Variants in COL21A1 observed in about 807,000 individuals in gnomAD.
The protein encoded by COL21A1 is collagen alpha-1(XXI) chain.
A neutral mutation model predicts 137.9 loss-of-function variants in COL21A1; 149 were observed. The ratio of observed to expected loss-of-function variants is 1.08; its 90% CI spans 0.95 to 1.24. The LOEUF (loss-of-function observed/expected upper bound fraction) is 1.24. Among genes scored for constraint, COL21A1 ranks in the 50% most tolerant of loss-of-function variants. The pLI, the probability that COL21A1 is intolerant of heterozygous loss-of-function variation, is 0.00. For synonymous variants in COL21A1, 456 were observed against 391.5 expected, an observed-to-expected ratio of 1.16 and a Z score of -1.95; for missense variants, 1,167 against 1,158.4, an observed-to-expected ratio of 1.01 and a Z score of -0.11.
At chr6:56,177,100 G>A (rs971471026) in intron 3 of COL21A1, among the ~76,000 whole-genome samples, 1 of 151,324 alleles carries the variant, frequency 6.6e-6, no homozygotes, top group African/African-American at 2.5e-5. Flanking sequence ...AGTGGTAGTA[G>A]TAGAAGTAGT....
chr6:56,086,365 C>T (rs1178379710), intron 17 of COL21A1, among the ~76,000 whole-genome samples: 1 of 152,036 alleles, frequency 6.6e-6, no homozygotes, highest in Non-Finnish European at 1.5e-5. Context: ...CAAAATGTAA[C>T]TATTAATAGC....
chr6:56,346,095 C>T (rs1347067351), intron 1 of COL21A1, among the ~76,000 whole-genome samples: 1 of 152,160 alleles, frequency 6.6e-6, no homozygotes, highest in East Asian at 1.9e-4. Flanking sequence ...CAGTAAAATA[C>T]ACAATTTCAA....
At chr6:56,257,127 T>G (rs961618886) in intron 1 of COL21A1, among the ~76,000 whole-genome samples, 1 of 152,118 alleles carries the variant, frequency 6.6e-6, no homozygotes, top group African/African-American at 2.4e-5. Context: ...TAGTGCTGTG[T>G]TGAAAAAAGA....
chr6:56,097,872 T>G (rs1232369551), intron 17 of COL21A1, among the ~76,000 whole-genome samples: 1 of 74,454 alleles, frequency 1.3e-5, no homozygotes, highest in Non-Finnish European at 2.3e-5. Flanking sequence ...TAAAAATATC[T>G]ATAAATATAT....
At chr6:56,305,930 G>T (rs1377046171) in intron 1 of COL21A1, among the ~76,000 whole-genome samples, 1 of 151,298 alleles carries the variant, frequency 6.6e-6, no homozygotes, top group Non-Finnish European at 1.5e-5. Flanking sequence ...TGCAGGCCTG[G>T]TGGTGACAAA....
At chr6:56,240,036 T>TA (rs1377802170) in intron 1 of COL21A1, among the ~76,000 whole-genome samples, 1 of 152,134 alleles carries the variant, frequency 6.6e-6, no homozygotes, top group Non-Finnish European at 1.5e-5. Flanking sequence ...GATGGTATTG[T>TA]AAGGGGAAAC....
intron 10 of COL21A1, among the ~76,000 whole-genome samples, chr6:56,149,839 TCTC>T (rs1214479520): frequency 6.6e-6 from 1 of 152,144 alleles, no homozygotes; most frequent in Non-Finnish European, 1.5e-5. Flanking sequence ...CCTCCTGACT[TCTC>T]CTTCTGTGTT....
chr6:56,158,574 T>C (rs1336312424), intron 9 of COL21A1, among the ~76,000 whole-genome samples: 1 of 152,058 alleles, frequency 6.6e-6, no homozygotes, highest in Non-Finnish European at 1.5e-5. Flanking sequence ...GCCTGATCTC[T>C]TTACTATTTT....
At chr6:56,240,504 T>C (rs1021889106) in intron 1 of COL21A1, among the ~76,000 whole-genome samples, 10 of 152,210 alleles carry the variant, frequency 6.6e-5, no homozygotes, top group African/African-American at 2.4e-4. Flanking sequence ...TATACCTCAA[T>C]AGGAATCTTA....
At chr6:56,267,824 C>G (rs9382598) in intron 1 of COL21A1, among the ~76,000 whole-genome samples, 1 of 150,546 alleles carries the variant, frequency 6.6e-6, no homozygotes, top group African/African-American at 2.4e-5. Flanking sequence ...TTCTTATTTG[C>G]AGGGAGGGGA....
At chr6:56,367,640 C>T (rs1397856010) in intron 1 of COL21A1, among the ~76,000 whole-genome samples, 2 of 152,196 alleles carry the variant, frequency 1.3e-5, no homozygotes, top group Non-Finnish European at 2.9e-5. Context: ...GAACATTAAC[C>T]TCTGAATTCC....
chr6:56,326,612 T>C (rs1765098133), intron 1 of COL21A1, among the ~76,000 whole-genome samples: 1 of 152,024 alleles, frequency 6.6e-6, no homozygotes, highest in Non-Finnish European at 1.5e-5. Flanking sequence ...ATAACAGTCA[T>C]GTTTTTCTCT....
chr6:56,244,551 T>C (rs918958147), intron 1 of COL21A1, among the ~76,000 whole-genome samples: 3 of 152,242 alleles, frequency 2.0e-5, no homozygotes, highest in Non-Finnish European at 4.4e-5. Flanking sequence ...TAAATTCTAA[T>C]TCTAATCATT....
At chr6:56,337,532 G>A (rs1468234797) in intron 1 of COL21A1, among the ~76,000 whole-genome samples, 1 of 152,210 alleles carries the variant, frequency 6.6e-6, no homozygotes, top group Non-Finnish European at 1.5e-5. Flanking sequence ...CTGGTTTAGG[G>A]CTTCAGCTCT....
At chr6:56,085,798 G>C (rs1768189723) in intron 17 of COL21A1, among the ~76,000 whole-genome samples, 1 of 151,616 alleles carries the variant, frequency 6.6e-6, no homozygotes, top group Admixed American at 6.6e-5. Flanking sequence ...GGCATTTCTA[G>C]TAATTTTGAG....
At chr6:56,167,110 C>G in intron 6 of COL21A1, 127 bp from the exon 7 acceptor site, 1 of 671,730 alleles carries the variant, frequency 1.5e-6, no homozygotes, top group Non-Finnish European at 2.6e-6. Context: ...CAGCATTTAG[C>G]TAAAACAATG....
In COL21A1 at chr6:56,059,223, C is replaced by T. The variant is rs1328671006; in HGVS notation, c.2628G>A (p.Gly876=). 7.5e-6 allele frequency: 12 copies of T among 1,606,602 alleles called. No individual in the cohort carries two copies. The South Asian group carries it at 7.8e-5, about 10-fold the overall frequency. Residue 876 remains glycine, a synonymous_variant, in exon 29 of 30, where the codon GGG becomes GGA. Coordinates refer to ENST00000244728, the MANE Select transcript of COL21A1 (RefSeq NM_030820.4). ...ACCCAAACCCTTGGCTCCCTTTTTC[C>T]CCATTTCTTCCTGGTAGGCCTGCAG... The part of the protein sequence containing the change: ...RGLKGLPGRN[G]EKGSQGFGYP...
chr6:56,289,752 A>C (rs1022879896), intron 1 of COL21A1, among the ~76,000 whole-genome samples: 110 of 152,014 alleles, frequency 7.2e-4, no homozygotes, highest in African/African-American at 2.5e-3. Flanking sequence ...CCTTTCTTGG[A>C]ACACAGGCTG....
chr6:56,279,947 A>G (rs1763753894), intron 1 of COL21A1, among the ~76,000 whole-genome samples: 1 of 152,208 alleles, frequency 6.6e-6, no homozygotes, highest in Admixed American at 6.5e-5. Flanking sequence ...TCAGTGACTC[A>G]TCTGAATGCA....
Sources: allele counts gnomAD v4.1 joint callset (sites outside exome capture counted in the v4.1 genomes callset), GRCh38; gene constraint gnomAD v4.1.1; transcripts MANE v1.5; gene names NCBI Gene and HGNC (gene_info 2026-07-23, HGNC 2026-07-21).